RECK: variants seen among roughly 807,000 people sequenced by gnomAD.
The protein encoded by RECK is reversion-inducing cysteine-rich protein with Kazal motifs.
A neutral mutation model predicts 115.1 loss-of-function variants in RECK; 69 were observed. The ratio of observed to expected loss-of-function variants is 0.60; its 90% CI spans 0.49 to 0.73. The LOEUF (loss-of-function observed/expected upper bound fraction) is 0.73, where lower values mean the gene tolerates loss of function less well. RECK is among the 30% of genes least tolerant of loss of function. RECK has a pLI of 0.00. For missense variants in RECK, 1,047 were observed against 1,203.7 expected (o/e 0.87, Z 1.93); for synonymous variants, 414 against 419.7 (o/e 0.99, Z 0.17).
intron 4 of RECK, among the ~76,000 whole-genome samples, chr9:36,061,244 G>C (rs1323638868): frequency 6.6e-6 from 1 of 151,446 alleles, no homozygotes; most frequent in African/African-American, 2.4e-5. Context: ...AAAAAAAAAA[G>C]AGTATACCTT....
chr9:36,072,506 A>T (rs1365582533), intron 6 of RECK, among the ~76,000 whole-genome samples: 1 of 152,186 alleles, frequency 6.6e-6, no homozygotes, highest in Non-Finnish European at 1.5e-5. Context: ...TAGGGATTTT[A>T]ACAAAAGGAA....
chr9:36,039,408 T>A (rs1820788335), intron 1 of RECK, among the ~76,000 whole-genome samples: 1 of 152,228 alleles, frequency 6.6e-6, no homozygotes, highest in Non-Finnish European at 1.5e-5. Flanking sequence ...TTCCTTCCCT[T>A]CTTAACCGCA....
chr9:36,105,501 G>T (rs1417259070), intron 13 of RECK, among the ~76,000 whole-genome samples: 1 of 152,158 alleles, frequency 6.6e-6, no homozygotes, highest in Non-Finnish European at 1.5e-5. Context: ...GGAAAAGACA[G>T]ACACTTGTAA....
rs2890710 is a variant in RECK at position 36,079,003 on chromosome 9, C to A, written c.406-1602C>A. Among the ~76,000 whole-genome samples the A allele has an allele frequency of 3.8e-3, 584 of 152,292 alleles. 4 individuals carry two copies. Among genetic ancestry groups the A allele is most frequent in the African/African-American group, 0.014 (563 of 41,568 alleles). ...CTCCGCCTCCCAGGTTCAAGTGATTCTCTTGCCTCAGCCTCCTGAGTAGCT... is the reference window on the plus strand; with the variant it reads ...CTCCGCCTCCCAGGTTCAAGTGATTATCTTGCCTCAGCCTCCTGAGTAGCT... On this transcript the variant is annotated intron_variant, in intron 6 of 20. Coordinates refer to ENST00000377966, the MANE Select transcript of RECK (RefSeq NM_021111.3).
intron 11 of RECK, 111 bp from the exon 12 acceptor site, chr9:36,101,981 CAT>C: frequency 9.9e-7 from 1 of 1,005,242 alleles, no homozygotes; most frequent in Admixed American, 2.6e-5. Context: ...TCTTTTGAAA[CAT>C]GTTAAGTTAT....
chr9:36,080,728 T>C, intron 7 of RECK, 90 bp downstream of exon 7: 2 of 1,140,432 alleles, frequency 1.8e-6, no homozygotes, highest in South Asian at 1.3e-5. Context: ...CGATAGGCTC[T>C]TTCCCATGGT....
chr9:36,058,541 T>C (rs1821626025), intron 2 of RECK, among the ~76,000 whole-genome samples: 1 of 142,032 alleles, frequency 7.0e-6, no homozygotes, highest in Admixed American at 7.0e-5. Flanking sequence ...CTGGGAGATA[T>C]ACCTAATGCT....
In RECK at chr9:36,120,749, A is replaced by T. The variant is rs768356900; in HGVS notation, c.2538+13A>T. 1.3e-6 allele frequency: 2 copies of T among 1,509,246 alleles called. No homozygotes were observed. The highest frequency in any genetic ancestry group is 4.5e-5 in the East Asian group (2 of 44,384). The allele number at this position is 1,509,246 out of a possible 1,614,324, so 93.5% of individuals were successfully genotyped here. On this transcript the variant is annotated intron_variant, in intron 19 of 20. Transcript: ENST00000377966. Reference sequence around the variant, plus strand: ...TACTATTGCTAAGGTAAATTGCTTTATATTCAGATGCTATTGAAATCTTAT... The same window carrying T: ...TACTATTGCTAAGGTAAATTGCTTTTTATTCAGATGCTATTGAAATCTTAT...
intron 1 of RECK, among the ~76,000 whole-genome samples, chr9:36,051,580 T>G (rs1821303696): frequency 6.6e-6 from 1 of 152,218 alleles, no homozygotes; most frequent in Non-Finnish European, 1.5e-5. Context: ...CTACTCCTCC[T>G]GTGATGCCAC....
At chr9:36,037,900 A>G (rs952195647) in intron 1 of RECK, among the ~76,000 whole-genome samples, 2 of 149,694 alleles carry the variant, frequency 1.3e-5, no homozygotes, top group African/African-American at 4.9e-5. Flanking sequence ...TGGAAAGTGG[A>G]GTGATTCCCC....
chr9:36,038,397 C>A (rs1343042470), intron 1 of RECK, among the ~76,000 whole-genome samples: 1 of 152,124 alleles, frequency 6.6e-6, no homozygotes, highest in Non-Finnish European at 1.5e-5. Flanking sequence ...GCTGTGTATT[C>A]TTGGCTAAAT....
intron 16 of RECK, 22 bp from the exon 17 acceptor site, chr9:36,116,963 G>A (rs761982345): frequency 1.3e-6 from 2 of 1,591,888 alleles, no homozygotes; most frequent in Non-Finnish European, 1.7e-6. Flanking sequence ...TTGGCTCATG[G>A]TGCTGCATTC....
intron 4 of RECK, among the ~76,000 whole-genome samples, chr9:36,061,181 T>C (rs573704371): frequency 2.6e-5 from 4 of 152,076 alleles, no homozygotes; most frequent in Non-Finnish European, 4.4e-5. Context: ...CTGACACTCA[T>C]GATCTCCCAG....
At chr9:36,098,265 A>T (rs1823435131) in intron 10 of RECK, among the ~76,000 whole-genome samples, 1 of 152,250 alleles carries the variant, frequency 6.6e-6, no homozygotes, top group African/African-American at 2.4e-5. Flanking sequence ...GCATATTTTA[A>T]TTAGCTTAAT....
chr9:36,120,234 CAA>C (rs5897627), intron 18 of RECK, among the ~76,000 whole-genome samples: 7 of 139,974 alleles, frequency 5.0e-5, no homozygotes, highest in African/African-American at 1.3e-4. Context: ...GACTCTGTCT[CAA>C]AAAAAAAAAA....
chr9:36,039,520 A>G (rs950573739), intron 1 of RECK, among the ~76,000 whole-genome samples: 11 of 152,106 alleles, frequency 7.2e-5, no homozygotes, highest in Admixed American at 2.6e-4. Flanking sequence ...GATTATTCCT[A>G]TTCCTGGGGG....
At chr9:36,056,731 C>T (rs1449856377) in intron 2 of RECK, among the ~76,000 whole-genome samples, 1 of 151,956 alleles carries the variant, frequency 6.6e-6, no homozygotes, top group Non-Finnish European at 1.5e-5. Context: ...AGTTTAAATA[C>T]CCACACATGG....
At chr9:36,106,772 A>C (rs980961390) in intron 13 of RECK, among the ~76,000 whole-genome samples, 1 of 152,040 alleles carries the variant, frequency 6.6e-6, no homozygotes, top group African/African-American at 2.4e-5. Context: ...TAGTTACTTA[A>C]AATGGTGACA....
intron 1 of RECK, among the ~76,000 whole-genome samples, chr9:36,040,004 G>A (rs7852590): frequency 0.3 from 46,211 of 152,012 alleles, 8,392 homozygotes; most frequent in Middle Eastern, 0.47. Flanking sequence ...GAAGAAAATG[G>A]GAAGAGGTCA....
Sources: allele counts gnomAD v4.1 joint callset (sites outside exome capture counted in the v4.1 genomes callset), GRCh38; gene constraint gnomAD v4.1.1; transcripts MANE v1.5; gene names NCBI Gene and HGNC (gene_info 2026-07-23, HGNC 2026-07-21).